Variants in CHAF1A observed in about 807,000 individuals in gnomAD.
The protein encoded by CHAF1A is CAF-1 subunit A.
CHAF1A carries 5 observed loss-of-function variants against 93.2 expected under a neutral mutation model. That is an observed-to-expected ratio of 0.05 (90% CI 0.03 to 0.11). The LOEUF is 0.11. Among genes scored for constraint, CHAF1A ranks in the 10% least tolerant of loss-of-function variants. CHAF1A has a pLI of 1.00. For synonymous variants in CHAF1A, 504 were observed against 510.3 expected (o/e 0.99, Z 0.17); for missense variants, 1,102 against 1,259.9 (o/e 0.87, Z 1.90).
At chr19:4,446,061 G>A (rs1167352893), downstream of CHAF1A, 8 of 1,611,828 alleles carry the variant, frequency 5.0e-6, no homozygotes, top group East Asian at 4.5e-5. Flanking sequence ...GCCCGCACTC[G>A]TTCAAGGCCA....
rs1360614541 is a variant in CHAF1A, at chr19:4,422,349, C to T, written c.1018-217C>T. On this transcript the variant is annotated intron_variant, in intron 4 of 14. Transcript: ENST00000301280. This position sits in a 1 kb window ranked among gnomAD's most constrained non-coding sequence, Gnocchi z 4.6. ...TTTTTAGTAGAGACAGGGTTTCACC[C>T]TGTTGACCAGGCTGGTCTCAAACTC... Among the ~76,000 whole-genome samples, 1 of 151,002 alleles carries T rather than the reference C, an allele frequency of 6.6e-6. No homozygotes were observed.
In CHAF1A at chr19:4,409,631, G is replaced by A. The variant is rs776628110; in HGVS notation, c.832G>A (p.Glu278Lys). ...TGAGGTGCTGGAATCTTTCCCCGAA[G>A]AAGACTCTGTACTCAGCCATTCGTC... is the stretch of plus-strand genomic sequence containing the variant. ...ESEVLESFPE[E>K]DSVLSHSSLS... Residue 278 changes from glutamate to lysine, a missense_variant, in exon 3 of 15, where the codon GAA (glutamate) becomes AAA (lysine). Glu to Lys is a moderately conservative substitution (Grantham distance 56). Coordinates refer to ENST00000301280, the MANE Select transcript of CHAF1A (RefSeq NM_005483.3). 1.9e-5 allele frequency: 30 copies of A among 1,614,010 alleles called. No individual in the cohort carries two copies. In the South Asian group the frequency reaches 3.1e-4, roughly 17 times the overall value.
At chr19:4,438,878 A>T (rs1974335222) in intron 13 of CHAF1A, among the ~76,000 whole-genome samples, 1 of 152,148 alleles carries the variant, frequency 6.6e-6, no homozygotes, top group Non-Finnish European at 1.5e-5. Context: ...GCTACTCGGG[A>T]GGCTGAGGCA....
intron 4 of CHAF1A, 143 bp downstream of exon 4, chr19:4,418,219 T>C (rs1973928944): frequency 3.5e-6 from 2 of 578,184 alleles, no homozygotes; most frequent in African/African-American, 1.9e-5. Flanking sequence ...CCTGCTTCAT[T>C]TTAAGTACTT....
intron 1 of CHAF1A, among the ~76,000 whole-genome samples, chr19:4,403,447 TGCTGGAC>T (rs1973624089): frequency 6.6e-6 from 1 of 152,270 alleles, no homozygotes; most frequent in Non-Finnish European, 1.5e-5. Flanking sequence ...CCCTCTCCCT[TGCTGGAC>T]TCTGCATTAC....
At chr19:4,444,383 C>T (rs1974457230), downstream of CHAF1A, among the ~76,000 whole-genome samples, 1 of 152,160 alleles carries the variant, frequency 6.6e-6, no homozygotes, top group Non-Finnish European at 1.5e-5. Context: ...AACCTGGTGG[C>T]TTAAAGCAAG....
rs1974269582 is a variant in CHAF1A, at chr19:4,435,589, C to T, written c.2673+2050C>T. Among the ~76,000 whole-genome samples, 3 of 152,110 alleles carry T rather than the reference C, an allele frequency of 2.0e-5. 1 individual carries two copies. Among genetic ancestry groups the T allele is most frequent in the Admixed American group, 2.0e-4 (3 of 15,252 alleles). On this transcript the variant is annotated intron_variant, in intron 13 of 14. Transcript: ENST00000301280. ...TTCACCATGTTGCCCAGGCTGGTCC[C>T]CAACTCCTGGGCTTAAGCAATCCCC... is the stretch of plus-strand genomic sequence containing the variant.
chr19:4,430,387 A>T (rs747121287), intron 10 of CHAF1A, among the ~76,000 whole-genome samples, 162 bp from the exon 11 acceptor site: 15 of 152,140 alleles, frequency 9.9e-5, no homozygotes, highest in Non-Finnish European at 1.8e-4. Flanking sequence ...CATGTTGGCC[A>T]GGCTGGTCTC....
rs765365054 is a variant in CHAF1A at position 4,433,186 on chromosome 19, C to T, written c.2320C>T (p.Arg774Trp). The change falls in exon 13 of 15, where the codon CGG becomes TGG. Residue 774 changes from arginine (R) to tryptophan (W), a missense_variant. Transcript: ENST00000301280. This position sits in a 1 kb window ranked among gnomAD's most constrained non-coding sequence, Gnocchi z 5.6. ...GCTCAGCAACCACACCGGCAGCCCGCGGAGCCCCTCCACCACCTACCTGCA... is the reference window on the plus strand; with the variant it reads ...GCTCAGCAACCACACCGGCAGCCCGTGGAGCCCCTCCACCACCTACCTGCA... ...GLLSNHTGSP[R>W]SPSTTYLHTP... 22 of 1,613,738 alleles carry T rather than the reference C, an allele frequency of 1.4e-5. No homozygotes were observed. Among genetic ancestry groups the T allele is most frequent in the Middle Eastern group, 1.6e-4 (1 of 6,062 alleles).
downstream of CHAF1A, chr19:4,446,217 G>C (rs1974513766): frequency 2.6e-5 from 41 of 1,588,180 alleles, no homozygotes; most frequent in Non-Finnish European, 3.4e-5. Context: ...GGGGGAGTCA[G>C]AGCGGGTGGG....
intron 13 of CHAF1A, among the ~76,000 whole-genome samples, chr19:4,439,487 TGTG>T (rs1288630822): frequency 6.6e-6 from 1 of 152,152 alleles, no homozygotes; most frequent in African/African-American, 2.4e-5. Context: ...CTCGGTGTTA[TGTG>T]TTAAATCCTG....
intron 1 of CHAF1A, among the ~76,000 whole-genome samples, chr19:4,403,894 T>C (rs1973633682): frequency 6.6e-6 from 1 of 152,338 alleles, no homozygotes; most frequent in Middle Eastern, 3.4e-3. Context: ...CTTGCTCTGT[T>C]GCCCAACCTC....
chr19:4,402,827 C>A lies in CHAF1A; in HGVS notation c.52+13C>A. On this transcript the variant is annotated intron_variant, in intron 1 of 14. Transcript: ENST00000301280. ...GGAGCCGCCACAGGTCGGTTCGGGC[C>A]CGCGCCGAGGGGAAGGGGGGGCGCG... 1 of 1,200,346 alleles carries A rather than the reference C, an allele frequency of 8.3e-7. No individual in the cohort carries two copies. The highest frequency in any genetic ancestry group is 1.0e-6 in the Non-Finnish European group (1 of 967,172). 74.4% of individuals were successfully genotyped at this position (1,200,346 alleles called of 1,614,324 possible). A position where few individuals can be genotyped will look rare whatever the true frequency, so the allele number is the denominator to read the frequency against.
intron 3 of CHAF1A, 53 bp from the exon 4 acceptor site, chr19:4,417,967 C>G: frequency 7.6e-7 from 1 of 1,324,132 alleles, no homozygotes; most frequent in Non-Finnish European, 1.1e-6. Flanking sequence ...TTCTCTTTTT[C>G]TCGAAGCAAT....
chr19:4,435,836 C>G (rs1974273866), intron 13 of CHAF1A, among the ~76,000 whole-genome samples: 1 of 152,182 alleles, frequency 6.6e-6, no homozygotes, highest in Admixed American at 6.5e-5. Flanking sequence ...ATCCTCTTCT[C>G]TGATGTTAAA....
intron 3 of CHAF1A, among the ~76,000 whole-genome samples, chr19:4,417,371 G>A (rs932963828): frequency 6.6e-6 from 1 of 151,416 alleles, no homozygotes; most frequent in Non-Finnish European, 1.5e-5. Context: ...CTATATTCCT[G>A]TAAGAACTCC....
At chr19:4,424,064 T>A (rs1465681001) in intron 7 of CHAF1A, among the ~76,000 whole-genome samples, 190 bp downstream of exon 7, 2 of 152,304 alleles carry the variant, frequency 1.3e-5, no homozygotes, top group African/African-American at 4.8e-5. Flanking sequence ...CCCAAAGAGG[T>A]AAAAAGTGGC....
chr19:4,446,410 G>A (rs755420633), downstream of CHAF1A: 21 of 1,578,820 alleles, frequency 1.3e-5, no homozygotes, highest in Middle Eastern at 6.6e-4. Context: ...CCACCGCCTC[G>A]GACCTGCACA....
At position 4,432,125 on chromosome 19, in the gene CHAF1A, C is replaced by T. The variant is rs147816387; in HGVS notation, c.2121C>T (p.Phe707=). The change falls in exon 12 of 15, where the codon TTC becomes TTT. Residue 707 remains phenylalanine (F), a synonymous_variant. Coordinates refer to ENST00000301280, the MANE Select transcript of CHAF1A (RefSeq NM_005483.3). ...AGDDLKVLQQ[F]AACFLETLPA... ...ATGACCTGAAGGTACTGCAGCAGTTCGCAGCCTGCTTCCTGGAGACCCTGC... is the reference window on the plus strand; with the variant it reads ...ATGACCTGAAGGTACTGCAGCAGTTTGCAGCCTGCTTCCTGGAGACCCTGC... 46 of 1,613,568 alleles carry T rather than the reference C, an allele frequency of 2.9e-5. No individual in the cohort carries two copies. The African/African-American group carries it at 3.6e-4, about 13-fold the overall frequency.
Sources: allele counts gnomAD v4.1 joint callset (sites outside exome capture counted in the v4.1 genomes callset), GRCh38; gene constraint gnomAD v4.1.1; non-coding constraint Gnocchi (gnomAD v3.1); transcripts MANE v1.5; gene names NCBI Gene and HGNC (gene_info 2026-07-23, HGNC 2026-07-21).